RSPH10B: variants seen among roughly 807,000 people sequenced by gnomAD.
RSPH10B encodes the protein radial spoke head 10 homolog B.
RSPH10B carries 7 observed loss-of-function variants against 52.5 expected under a neutral mutation model. The ratio of observed to expected loss-of-function variants is 0.13; its 90% confidence interval spans 0.08 to 0.25. RSPH10B has a LOEUF of 0.25. Ranked by LOEUF, RSPH10B falls within the 10% of genes least tolerant of loss-of-function variation. The pLI is 1.00. For missense variants in RSPH10B, 89 were observed against 542.5 expected, an observed-to-expected ratio of 0.16 and a Z score of 8.30; for synonymous variants, 28 against 193.2, an observed-to-expected ratio of 0.14 and a Z score of 7.09.
At chr7:5,942,586 GCA>G (rs1780251992) in intron 13 of RSPH10B, among the ~76,000 whole-genome samples, 1 of 144,444 alleles carries the variant, frequency 6.9e-6, no homozygotes, top group South Asian at 2.2e-4. Flanking sequence ...GGCCAGTCAG[GCA>G]CAGTGTCTCA....
At chr7:5,930,717 G>A (rs149711655) in intron 17 of RSPH10B, among the ~76,000 whole-genome samples, 485 of 35,156 alleles carry the variant, frequency 0.014, 12 homozygotes, top group African/African-American at 0.049. Flanking sequence ...GCCACATGGA[G>A]CAAAAGCTAA....
chr7:5,928,145 C>G (rs372462619), intron 18 of RSPH10B, 51 bp downstream of exon 20: 3 of 1,603,458 alleles, frequency 1.9e-6, no homozygotes, highest in Non-Finnish European at 2.6e-6. Flanking sequence ...CTACGGAAGA[C>G]AGGAAGAGAG....
rs760829298 is a variant in RSPH10B, at chr7:5,926,576, CT to C, written c.2433-29del. 32 of 1,599,742 alleles carry C rather than the reference CT, an allele frequency of 2.0e-5. No individual in the cohort carries two copies. In the African/African-American group the frequency reaches 3.1e-4, roughly 16 times the overall value. ...AAAAGCAAACATGAGAAGGTGGTAG[CT>C]TTTTTTATCCCCCTCCAAACTGCAA... On this transcript the variant is annotated intron_variant, in intron 18 of 18. Transcript: ENST00000337579.
chr7:5,937,090 A>AC (rs1236018668), intron 15 of RSPH10B, among the ~76,000 whole-genome samples: 2 of 52,254 alleles, frequency 3.8e-5, no homozygotes, highest in African/African-American at 1.1e-4. Flanking sequence ...CTGTCTCAAA[A>AC]AAAAAAAAAA....
chr7:5,928,099 G>C lies in RSPH10B; in HGVS notation c.2432+97C>G. On this transcript the variant is annotated intron_variant, in intron 18 of 18. Coordinates refer to ENST00000337579, the Ensembl canonical transcript of RSPH10B. ...CGACGCCCATAGGAAATTACGGCTTGTCCGGAAAGCACTTGGTCCTGATGC... is the reference window on the plus strand; with the variant it reads ...CGACGCCCATAGGAAATTACGGCTTCTCCGGAAAGCACTTGGTCCTGATGC... The C allele has an allele frequency of 2.6e-6, 4 of 1,523,700 alleles. No homozygotes were observed. In the South Asian group the frequency reaches 3.7e-5, roughly 14 times the overall value. 94.4% of individuals were successfully genotyped at this position (1,523,700 alleles called of 1,614,324 possible).
chr7:5,932,131 G>C (rs1237955420), intron 17 of RSPH10B, among the ~76,000 whole-genome samples: 1 of 128,028 alleles, frequency 7.8e-6, no homozygotes. Context: ...ATGACCCTGA[G>C]GAAAGCAGAG....
chr7:5,938,451 G>A (rs1164623401), intron 14 of RSPH10B, among the ~76,000 whole-genome samples: 4 of 104,892 alleles, frequency 3.8e-5, no homozygotes, highest in South Asian at 2.7e-4. Flanking sequence ...GGTGGCGGGC[G>A]CCTGTAGTCT....
intron 15 of RSPH10B, among the ~76,000 whole-genome samples, chr7:5,937,088 A>AC (rs1488877420): frequency 2.1e-5 from 1 of 47,836 alleles, no homozygotes; most frequent in Non-Finnish European, 4.9e-5. Flanking sequence ...CTCTGTCTCA[A>AC]AAAAAAAAAA....
At position 5,939,979 on chromosome 7, in the gene RSPH10B, G is replaced by A. The variant is rs1192446073; in HGVS notation, c.1759-1150C>T. ...TGGGAGGCCGAGGCAGGCGGCTCAC[G>A]AGGTCAAGAGATCCAGACCATCCTG... is the stretch of plus-strand genomic sequence containing the variant. On this transcript the variant is annotated intron_variant, in intron 13 of 18. Coordinates refer to ENST00000337579, the Ensembl canonical transcript of RSPH10B. 9.0e-5 allele frequency among the ~76,000 whole-genome samples: 10 copies of A among 111,450 alleles called. No individual in the cohort carries two copies. In the South Asian group the frequency reaches 2.3e-3, roughly 26 times the overall value. The allele number at this position is 111,450 out of a possible 152,430, so 73.1% of individuals were successfully genotyped here.
intron 18 of RSPH10B, among the ~76,000 whole-genome samples, chr7:5,927,048 T>TATATATATCTGTGTGTATATA (rs1347951159): frequency 1.4e-5 from 1 of 70,838 alleles, no homozygotes; most frequent in Non-Finnish European, 3.7e-5. Context: ...TGTGTGTGTA[T>TATATATATCTGTGTGTATATA]TATGTGTGTG....
chr7:5,929,265 C>T (rs1057310205), intron 17 of RSPH10B, among the ~76,000 whole-genome samples: 1 of 142,142 alleles, frequency 7.0e-6, no homozygotes, highest in Non-Finnish European at 1.5e-5. Flanking sequence ...CTGCAGCCTC[C>T]AACTCCTGGG....
intron 13 of RSPH10B, 130 bp from the exon 16 acceptor site, chr7:5,938,959 G>T: frequency 5.1e-6 from 1 of 196,290 alleles, no homozygotes. Context: ...TTTGAGAGAC[G>T]GAGTCTCGCT....
intron 7 of RSPH10B, among the ~76,000 whole-genome samples, chr7:5,955,154 A>G (rs1780709576): frequency 1.4e-5 from 2 of 138,038 alleles, no homozygotes; most frequent in Admixed American, 7.2e-5. Context: ...AACAGAGCGA[A>G]ACTCTGTCTC....
At chr7:5,943,630 G>GC (rs559516672) in intron 12 of RSPH10B, among the ~76,000 whole-genome samples, 158 bp from the exon 15 acceptor site, 25,589 of 142,588 alleles carry the variant, frequency 0.18, 93 homozygotes, top group East Asian at 0.3. Context: ...TGCAACCTCC[G>GC]CCCCCCAGGC....
intron 1 of RSPH10B, among the ~76,000 whole-genome samples, chr7:5,966,322 TTGTTA>T (rs1322358695): frequency 2.9e-5 from 3 of 102,048 alleles, no homozygotes; most frequent in African/African-American, 1.1e-4. Flanking sequence ...ATAGTACATT[TTGTTA>T]TATGTTTCAC....
chr7:5,927,048 T>TGTG (rs1347951159), intron 18 of RSPH10B, among the ~76,000 whole-genome samples: 86 of 70,776 alleles, frequency 1.2e-3, no homozygotes, highest in Middle Eastern at 0.01. Flanking sequence ...TGTGTGTGTA[T>TGTG]TATGTGTGTG....
At chr7:5,931,238 A>G (rs1181950388) in intron 17 of RSPH10B, among the ~76,000 whole-genome samples, 1 of 148,444 alleles carries the variant, frequency 6.7e-6, no homozygotes, top group Non-Finnish European at 1.5e-5. Context: ...GGCCAAGAGA[A>G]GAGATTTTCC....
rs187180509 is a variant in RSPH10B at position 5,928,531 on chromosome 7, G to A, written c.2234-137C>T. On this transcript the variant is annotated intron_variant, in intron 17 of 18. Transcript: ENST00000337579. ...CAGGAGAGGGGAGAGGAGTAAGGAC[G>A]CTGCTTCCATGACCACCTGGAACAA... 1.9e-3 allele frequency: 2,526 copies of A among 1,321,382 alleles called. 19 individuals carry two copies. The highest frequency in any genetic ancestry group is 1.8e-3 in the Non-Finnish European group (1,678 of 926,924). 81.9% of individuals were successfully genotyped at this position (1,321,382 alleles called of 1,614,324 possible). A position where few individuals can be genotyped will look rare whatever the true frequency, so the allele number is the denominator to read the frequency against.
intron 3 of RSPH10B, among the ~76,000 whole-genome samples, chr7:5,964,246 T>C (rs1375071177): frequency 1.3e-5 from 2 of 150,542 alleles, no homozygotes; most frequent in African/African-American, 2.5e-5. Context: ...AAGAAAAAAG[T>C]AGGACAAGCT....
Sources: gnomAD v4.1 joint callset for allele counts (sites outside exome capture counted in the v4.1 genomes callset) on GRCh38, gnomAD v4.1.1 for gene constraint, MANE v1.5 for transcripts, NCBI Gene and HGNC (gene_info 2026-07-23, HGNC 2026-07-21) for gene names.